TPM4: variants seen among roughly 807,000 people sequenced by gnomAD.
TPM4 encodes tropomyosin alpha-4 chain.
TPM4 carries 17 observed loss-of-function variants against 35.8 expected under a neutral mutation model. That is an observed-to-expected ratio of 0.47 (90% CI 0.32 to 0.71). The LOEUF (loss-of-function observed/expected upper bound fraction) is 0.71. Ranked by LOEUF, TPM4 falls within the 30% of genes least tolerant of loss-of-function variation. The pLI, the probability that TPM4 is intolerant of heterozygous loss-of-function variation, is 0.03. For synonymous variants in TPM4, 120 were observed against 122.9 expected (o/e 0.98, Z 0.15); for missense variants, 240 against 320.9 (o/e 0.75, Z 1.93).
chr19:16,086,786 G>C (rs1321166399), intron 3 of TPM4, among the ~76,000 whole-genome samples: 1 of 152,186 alleles, frequency 6.6e-6, no homozygotes, highest in Non-Finnish European at 1.5e-5. Flanking sequence ...TGTGTCGTTA[G>C]CTGGGAGTTT....
At chr19:16,092,723 A>G (rs2090643515) in intron 5 of TPM4, among the ~76,000 whole-genome samples, 1 of 152,128 alleles carries the variant, frequency 6.6e-6, no homozygotes, top group Non-Finnish European at 1.5e-5. Flanking sequence ...TTTAGTAAAG[A>G]CAGCGTTTCG....
At chr19:16,096,933 A>ACT (rs2090705241) in intron 7 of TPM4, among the ~76,000 whole-genome samples, 1 of 68,958 alleles carries the variant, frequency 1.5e-5, no homozygotes, top group African/African-American at 5.0e-5. Context: ...AAACAAGGTC[A>ACT]CTCTTTTTTT....
At chr19:16,087,577 A>C (rs1037906122) in intron 3 of TPM4, among the ~76,000 whole-genome samples, 18 of 151,100 alleles carry the variant, frequency 1.2e-4, no homozygotes, top group African/African-American at 4.4e-4. Context: ...ACTCTGTCTC[A>C]AAAGAATAAA....
chr19:16,076,654 G>C lies in TPM4; in HGVS notation c.89G>C (p.Gly30Ala). Reference sequence around the variant, plus strand: ...GACGAGGCGGAAGACCGCGCGCAGGGCCTGCAGCGGGAGCTGGACGGCGAG... The same window carrying C: ...GACGAGGCGGAAGACCGCGCGCAGGCCCTGCAGCGGGAGCTGGACGGCGAG... ...QADEAEDRAQ[G>A]LQRELDGERE... The change falls in exon 1 of 8, where the codon GGC (glycine) becomes GCC (alanine). Residue 30 changes from glycine (G) to alanine (A), a missense_variant. Transcript: ENST00000643579. The C allele has an allele frequency of 7.0e-7, 1 of 1,431,780 alleles. No individual in the cohort carries two copies. The highest frequency in any genetic ancestry group is 1.4e-5 in the South Asian group (1 of 73,088). 88.7% of individuals were successfully genotyped at this position (1,431,780 alleles called of 1,614,324 possible). A position where few individuals can be genotyped will look rare whatever the true frequency, so the allele number is the denominator to read the frequency against.
chr19:16,076,957 G>T (rs1317523031), intron 1 of TPM4: 7 of 627,076 alleles, frequency 1.1e-5, no homozygotes, highest in Non-Finnish European at 1.6e-5. Context: ...GGAAATGGGG[G>T]GATGGGGCGG....
At chr19:16,087,606 G>A (rs907186925) in intron 3 of TPM4, among the ~76,000 whole-genome samples, 2 of 151,950 alleles carry the variant, frequency 1.3e-5, no homozygotes, top group Admixed American at 6.6e-5. Context: ...AAAGAGGCCA[G>A]GTGTGGTGGC....
chr19:16,068,117 G>A (rs1008878278), intron 2 of TPM4, among the ~76,000 whole-genome samples: 1 of 151,510 alleles, frequency 6.6e-6, no homozygotes, highest in Non-Finnish European at 1.5e-5. Context: ...GTGTGTGTAC[G>A]TGTGTGTGTA....
rs369325144 is a variant in TPM4, at chr19:16,089,005, A to C, written c.456-40A>C. ...GGCGATTGCTATTATTGCCGGCTGTAAGGGAAGATAAGACACAAAAATCCT... is the reference window on the plus strand; with the variant it reads ...GGCGATTGCTATTATTGCCGGCTGTCAGGGAAGATAAGACACAAAAATCCT... On this transcript the variant is annotated intron_variant, in intron 4 of 7. Transcript: ENST00000643579. 65 of 1,613,100 alleles carry C rather than the reference A, an allele frequency of 4.0e-5. 1 individual carries two copies. The African/African-American group carries it at 8.5e-4, about 21-fold the overall frequency.
intron 1 of TPM4, chr19:16,080,528 C>T (rs10424913): frequency 0.42 from 79,487 of 190,262 alleles, 17,291 homozygotes; most frequent in East Asian, 0.73. Flanking sequence ...TGACAAAGCA[C>T]GGTCGGGCGC....
chr19:16,082,233 G>A (rs954636956), intron 2 of TPM4, among the ~76,000 whole-genome samples, 187 bp downstream of exon 2: 1 of 152,192 alleles, frequency 6.6e-6, no homozygotes, highest in Non-Finnish European at 1.5e-5. Flanking sequence ...CCGTGGCCAG[G>A]CACGGTGGCT....
intron 1 of TPM4, chr19:16,080,014 T>A (rs909741392): frequency 5.4e-6 from 1 of 183,492 alleles, no homozygotes; most frequent in Non-Finnish European, 1.2e-5. Context: ...CCTAATAATT[T>A]TGATAGCCTT....
intron 7 of TPM4, chr19:16,095,168 C>T: frequency 1.2e-6 from 1 of 809,150 alleles, no homozygotes; most frequent in Admixed American, 6.0e-5. Context: ...GTGTTTTTTT[C>T]TTCCTCTTGT....
chr19:16,068,107 G>T, intron 2 of TPM4: 1 of 266,690 alleles, frequency 3.7e-6, no homozygotes, highest in Non-Finnish European at 6.4e-6. Context: ...TTGAGCGTAT[G>T]TGTGTGTACG....
At position 16,089,033 on chromosome 19, in the gene TPM4, G is replaced by A. The variant is rs777700634; in HGVS notation, c.456-12G>A. On this transcript the variant is annotated splice_polypyrimidine_tract_variant and intron_variant, in intron 4 of 7. Transcript: ENST00000643579. The stretch of plus-strand genomic sequence containing the variant: ...GGAAGATAAGACACAAAAATCCTTT[G>A]TCTTTGTGCAGAAAATGTGGTGACC... The A allele has an allele frequency of 3.0e-5, 49 of 1,613,980 alleles. No homozygotes were observed. The South Asian group carries it at 5.4e-4, about 18-fold the overall frequency.
chr19:16,087,987 G>T, intron 3 of TPM4, 40 bp from the exon 4 acceptor site: 2 of 1,587,440 alleles, frequency 1.3e-6, no homozygotes, highest in Non-Finnish European at 1.7e-6. Flanking sequence ...GGACACGGCT[G>T]GTGGGGATCG....
upstream of TPM4, chr19:16,075,821 G>A: frequency 3.3e-6 from 2 of 612,880 alleles, no homozygotes; most frequent in South Asian, 4.4e-5. Flanking sequence ...ACCCCAATAA[G>A]CCCAAAACAG....
At chr19:16,076,427 C>T, upstream of TPM4, 3 of 1,350,562 alleles carry the variant, frequency 2.2e-6, no homozygotes, top group South Asian at 3.7e-5. Flanking sequence ...CGGCAGCCGG[C>T]CCGGGGGGCG....
intron 3 of TPM4, among the ~76,000 whole-genome samples, chr19:16,086,872 T>A (rs1410401456): frequency 6.6e-6 from 1 of 152,128 alleles, no homozygotes; most frequent in African/African-American, 2.4e-5. Flanking sequence ...CAGGCCCTCC[T>A]TTGCCTCCCT....
chr19:16,097,331 G>A (rs1041091051), intron 7 of TPM4, among the ~76,000 whole-genome samples: 1 of 151,488 alleles, frequency 6.6e-6, no homozygotes, highest in Admixed American at 6.6e-5. Context: ...CTGGAGTGCA[G>A]TGGCGCCATC....
Sources: allele counts gnomAD v4.1 joint callset (sites outside exome capture counted in the v4.1 genomes callset), GRCh38; gene constraint gnomAD v4.1.1; transcripts MANE v1.5; gene names NCBI Gene and HGNC (gene_info 2026-07-23, HGNC 2026-07-21).